CTNNA3: variants seen among roughly 807,000 people sequenced by gnomAD.
The protein encoded by CTNNA3 is catenin alpha-3.
Under a neutral mutation model 95.7 loss-of-function variants are expected in CTNNA3, and 76 were observed. The ratio of observed to expected loss-of-function variants is 0.79; its 90% CI spans 0.66 to 0.96. The LOEUF (loss-of-function observed/expected upper bound fraction) is 0.96, where lower values mean the gene tolerates loss of function less well. CTNNA3 is among the 40% of genes least tolerant of loss of function. The pLI is 0.00. For missense variants in CTNNA3, 1,191 were observed against 1,089.8 expected (o/e 1.09, Z -1.31); for synonymous variants, 431 against 374.4 (o/e 1.15, Z -1.74).
At chr10:66,815,570 A>G (rs1842044623) in intron 7 of CTNNA3, among the ~76,000 whole-genome samples, 3 of 152,172 alleles carry the variant, frequency 2.0e-5, no homozygotes, top group Non-Finnish European at 4.4e-5. Context: ...CTTATTTGAC[A>G]TGATTTGAAA....
intron 14 of CTNNA3, among the ~76,000 whole-genome samples, chr10:66,089,365 CCCTT>C (rs1194682528): frequency 2.6e-5 from 4 of 151,118 alleles, no homozygotes; most frequent in Non-Finnish European, 4.4e-5. Context: ...TTCCTTTGCT[CCCTT>C]CCTTCCTTCC....
chr10:67,024,671 A>C (rs1289438407), intron 7 of CTNNA3, among the ~76,000 whole-genome samples: 1 of 152,228 alleles, frequency 6.6e-6, no homozygotes, highest in Non-Finnish European at 1.5e-5. Context: ...TTAGAAAAAT[A>C]GATAATTGGT....
chr10:67,188,154 T>C (rs1192146131), intron 6 of CTNNA3, among the ~76,000 whole-genome samples: 1 of 152,168 alleles, frequency 6.6e-6, no homozygotes, highest in Non-Finnish European at 1.5e-5. Flanking sequence ...TAAGCACAGA[T>C]TGACCAGACG....
At chr10:67,573,266 AC>A (rs1352370964) in intron 3 of CTNNA3, among the ~76,000 whole-genome samples, 1 of 151,964 alleles carries the variant, frequency 6.6e-6, no homozygotes, top group Non-Finnish European at 1.5e-5. Flanking sequence ...CCTACGACCA[AC>A]CCCCAAAAAA....
intron 12 of CTNNA3, among the ~76,000 whole-genome samples, chr10:66,288,397 G>C (rs1420858907): frequency 2.6e-5 from 4 of 151,810 alleles, no homozygotes; most frequent in Non-Finnish European, 4.4e-5. Context: ...GTAGGGAGTT[G>C]GGGAGAGGAA....
In CTNNA3 at chr10:66,472,882, A is replaced by G. The variant is rs1325681630; in HGVS notation, c.1531+47735T>C. On this transcript the variant is annotated intron_variant, in intron 11 of 17. Coordinates refer to ENST00000433211, the MANE Select transcript of CTNNA3 (RefSeq NM_013266.4). ...ACCTCAGCTGTTTAAAGTCAAACCA[A>G]CTTCAACACTATCTCAATATGTTAT... Among the ~76,000 whole-genome samples the G allele has an allele frequency of 2.6e-5, 4 of 152,018 alleles. No individual in the cohort carries two copies. The East Asian group carries it at 7.7e-4, about 29-fold the overall frequency.
intron 9 of CTNNA3, among the ~76,000 whole-genome samples, chr10:66,659,578 T>G (rs548631371): frequency 3.9e-5 from 6 of 152,170 alleles, no homozygotes; most frequent in Non-Finnish European, 8.8e-5. Flanking sequence ...AATATTCATA[T>G]GTTTAAATCC....
intron 3 of CTNNA3, among the ~76,000 whole-genome samples, chr10:67,577,735 AT>A (rs2133307532): frequency 6.6e-6 from 1 of 150,410 alleles, no homozygotes; most frequent in South Asian, 2.1e-4. Flanking sequence ...TATATACTAC[AT>A]TTTCTTTATC....
At chr10:66,524,259 A>C (rs2939914) in intron 10 of CTNNA3, among the ~76,000 whole-genome samples, 85,059 of 151,876 alleles carry the variant, frequency 0.56, 24,672 homozygotes, top group Middle Eastern at 0.73. Context: ...ACACATGTCT[A>C]TTCCTGGGTA....
At chr10:66,771,969 A>T (rs763636437) in intron 8 of CTNNA3, among the ~76,000 whole-genome samples, 7 of 152,154 alleles carry the variant, frequency 4.6e-5, no homozygotes, top group Non-Finnish European at 1.0e-4. Context: ...TAGCATTTAC[A>T]CTACTCTGGA....
At chr10:67,444,982 T>C (rs1379932980) in intron 5 of CTNNA3, among the ~76,000 whole-genome samples, 2 of 151,874 alleles carry the variant, frequency 1.3e-5, no homozygotes, top group South Asian at 2.1e-4. Flanking sequence ...GAAGAACTAA[T>C]TACTACAATA....
intron 9 of CTNNA3, among the ~76,000 whole-genome samples, chr10:66,713,624 C>A (rs947461840): frequency 1.3e-5 from 2 of 152,052 alleles, no homozygotes; most frequent in African/African-American, 4.8e-5. Context: ...TCCAGGTCCA[C>A]CACAGAGTCT....
At chr10:67,227,699 A>AAC (rs749928913) in intron 5 of CTNNA3, among the ~76,000 whole-genome samples, 17 of 152,244 alleles carry the variant, frequency 1.1e-4, no homozygotes, top group Non-Finnish European at 2.4e-4. Context: ...AAATGAACTT[A>AAC]ACAGATATAT....
At chr10:67,625,713 A>G (rs1209943289) in intron 2 of CTNNA3, among the ~76,000 whole-genome samples, 1 of 151,850 alleles carries the variant, frequency 6.6e-6, no homozygotes, top group Non-Finnish European at 1.5e-5. Flanking sequence ...AAAATCCTGT[A>G]CACTCAATTG....
At chr10:66,647,824 G>T (rs1845760345) in intron 9 of CTNNA3, among the ~76,000 whole-genome samples, 1 of 151,888 alleles carries the variant, frequency 6.6e-6, no homozygotes, top group Non-Finnish European at 1.5e-5. Flanking sequence ...CAGCCAAAAA[G>T]AACTCTTTAT....
At chr10:65,941,753 A>G (rs1404275510) in intron 17 of CTNNA3, among the ~76,000 whole-genome samples, 1 of 152,170 alleles carries the variant, frequency 6.6e-6, no homozygotes, top group Non-Finnish European at 1.5e-5. Context: ...AAATATGACT[A>G]TGGTCAGTCT....
chr10:67,514,151 T>C (rs954948843), intron 5 of CTNNA3, among the ~76,000 whole-genome samples: 2 of 151,932 alleles, frequency 1.3e-5, no homozygotes, highest in Admixed American at 6.6e-5. Context: ...ATACAAAAAA[T>C]TAGCTGGGCA....
chr10:67,394,240 A>G (rs1326451536), intron 5 of CTNNA3, among the ~76,000 whole-genome samples: 2 of 152,048 alleles, frequency 1.3e-5, no homozygotes, highest in African/African-American at 2.4e-5. Context: ...GCTTAACTTT[A>G]TATCTCAGTA....
chr10:66,137,004 G>C (rs2083390801), intron 13 of CTNNA3, among the ~76,000 whole-genome samples: 1 of 151,870 alleles, frequency 6.6e-6, no homozygotes, highest in Non-Finnish European at 1.5e-5. Context: ...TATTTTTTTA[G>C]TAGACATGGG....
Sources: allele counts gnomAD v4.1 joint callset (sites outside exome capture counted in the v4.1 genomes callset), GRCh38; gene constraint gnomAD v4.1.1; transcripts MANE v1.5; gene names NCBI Gene and HGNC (gene_info 2026-07-23, HGNC 2026-07-21).